The following NUFIP2 variants were observed in gnomAD, a reference collection of about 807,000 sequenced individuals.
NUFIP2 encodes FMR1-interacting protein NUFIP2.
In NUFIP2, 6 loss-of-function variants were observed where a neutral mutation model predicts 56.9. The ratio of observed to expected loss-of-function variants is 0.11; its 90% CI spans 0.06 to 0.21. NUFIP2 has a LOEUF of 0.21. Among genes scored for constraint, NUFIP2 ranks in the 10% least tolerant of loss-of-function variants. The probability of loss-of-function intolerance (pLI) is 1.00; values close to 1 mark genes in which losing one functional copy is unlikely to be tolerated. For missense variants in NUFIP2, 828 were observed against 826.8 expected (o/e 1.00, Z -0.02); for synonymous variants, 321 against 298.2 (o/e 1.08, Z -0.79).
chr17:29,282,042 G>T lies in NUFIP2; in HGVS notation c.2002+3950C>A, dbSNP rs146628921. Among the ~76,000 whole-genome samples the T allele has an allele frequency of 3.5e-3, 525 of 151,822 alleles. 2 individuals are homozygous for T. Among genetic ancestry groups the T allele is most frequent in the Non-Finnish European group, 6.2e-3 (418 of 67,938 alleles). On this transcript the variant is annotated intron_variant, in intron 2 of 3. Coordinates refer to ENST00000225388, the MANE Select transcript of NUFIP2 (RefSeq NM_020772.3). ...CTCCCAAAGTGCTGGGATTACAGGC[G>T]TGAGCCACCGCACCCAGCACAAATC...
At chr17:29,267,381 A>T (rs982449476) in intron 3 of NUFIP2, 117 bp downstream of exon 3, 1 of 618,686 alleles carries the variant, frequency 1.6e-6, no homozygotes, top group Non-Finnish European at 2.8e-6. Context: ...GCAGTTATTA[A>T]ATAACTCAAA....
intron 3 of NUFIP2, 44 bp from the exon 4 acceptor site, chr17:29,264,635 C>A: frequency 8.1e-7 from 1 of 1,227,780 alleles, no homozygotes; most frequent in South Asian, 1.2e-5. Context: ...TCTAGAATCT[C>A]AAAATGCCCG....
chr17:29,275,262 G>A (rs2069100652), intron 2 of NUFIP2, among the ~76,000 whole-genome samples: 1 of 152,066 alleles, frequency 6.6e-6, no homozygotes, highest in African/African-American at 2.4e-5. Flanking sequence ...GACCTCAGGT[G>A]ATCCACCTGC....
chr17:29,282,241 C>A (rs186520264), intron 2 of NUFIP2, among the ~76,000 whole-genome samples: 3 of 151,990 alleles, frequency 2.0e-5, no homozygotes, highest in Non-Finnish European at 4.4e-5. Context: ...ACTTCCCAGC[C>A]GCCAAAACCT....
In NUFIP2 at chr17:29,287,432, T is replaced by G. The variant is rs767524793; in HGVS notation, c.562A>C (p.Asn188His). The G allele has an allele frequency of 1.2e-6, 2 of 1,613,970 alleles. No individual in the cohort carries two copies. Among genetic ancestry groups the G allele is most frequent in the African/African-American group, 2.7e-5 (2 of 74,938 alleles). Residue 188 changes from asparagine to histidine, a missense_variant, in exon 2 of 4, where the codon AAT becomes CAT. Transcript: ENST00000225388. ...VDKSDTIPIP[N>H]GVVTNNSGYI... ...CCAGAATTATTTGTTACCACACCAT[T>G]TGGAATTGGTATAGTATCAGACTTA...
rs977848603 is a variant in NUFIP2, at chr17:29,276,435, C to T, written c.2003-8905G>A. The stretch of plus-strand genomic sequence containing the variant: ...GCAACCTCCACCTCCCAGGTTCAAG[C>T]GATTCTCCTGCCTTAGTCTCCTGAG... On this transcript the variant is annotated intron_variant, in intron 2 of 3. Coordinates refer to ENST00000225388, the MANE Select transcript of NUFIP2 (RefSeq NM_020772.3). Among the ~76,000 whole-genome samples, 6 of 151,952 alleles carry T rather than the reference C, an allele frequency of 3.9e-5. No homozygotes were observed. In the East Asian group the frequency reaches 9.7e-4, roughly 24 times the overall value.
chr17:29,271,793 G>GGGCGC (rs2153011223), intron 2 of NUFIP2, among the ~76,000 whole-genome samples: 1 of 151,908 alleles, frequency 6.6e-6, no homozygotes, highest in Admixed American at 6.6e-5. Context: ...TGACATGGCC[G>GGGCGC]GGCGCGGTGG....
Position 29,261,738 on chromosome 17 carries a change from T to G in NUFIP2, c.*2801A>C, listed in dbSNP as rs980401196. 6.6e-6 allele frequency: 1 copy of G among 152,566 alleles called. No individual in the cohort carries two copies. Among genetic ancestry groups the G allele is most frequent in the Non-Finnish European group, 1.5e-5 (1 of 68,020 alleles). The allele number at this position is 152,566 out of a possible 1,614,324, so 9.5% of individuals were successfully genotyped here. ...TGTTACCAAACAGCACAAAGAGATT[T>G]GTCCCAAAGTCCTGCTTGTACCTAG... On this transcript the variant is annotated 3_prime_UTR_variant, in exon 4 of 4. Transcript: ENST00000225388.
chr17:29,269,275 C>T (rs1448771542), intron 2 of NUFIP2, among the ~76,000 whole-genome samples: 2 of 152,116 alleles, frequency 1.3e-5, no homozygotes, highest in Non-Finnish European at 2.9e-5. Flanking sequence ...TCCAATTTAA[C>T]AGCAATCAAT....
intron 2 of NUFIP2, among the ~76,000 whole-genome samples, chr17:29,278,901 T>C (rs2069124330): frequency 6.6e-6 from 1 of 152,210 alleles, no homozygotes; most frequent in African/African-American, 2.4e-5. Context: ...GTTCTCTCAC[T>C]GGGAGAAAGG....
chr17:29,266,668 G>C (rs1343046670), intron 3 of NUFIP2, among the ~76,000 whole-genome samples: 1 of 151,836 alleles, frequency 6.6e-6, no homozygotes, highest in Non-Finnish European at 1.5e-5. Context: ...CACAAATACA[G>C]AGAAAGACCA....
chr17:29,276,600 A>C (rs1441815617), intron 2 of NUFIP2, among the ~76,000 whole-genome samples: 1 of 152,208 alleles, frequency 6.6e-6, no homozygotes, highest in East Asian at 1.9e-4. Flanking sequence ...GGCCTCCCAA[A>C]GTGCTGGGAT....
Position 29,286,540 on chromosome 17 carries a change from G to A in NUFIP2, c.1454C>T (p.Thr485Ile). The A allele has an allele frequency of 1.2e-6, 2 of 1,614,182 alleles. No homozygotes were observed. Among genetic ancestry groups the A allele is most frequent in the Non-Finnish European group, 1.7e-6 (2 of 1,180,038 alleles). The change falls in exon 2 of 4, where the codon ACA becomes ATA. Residue 485 changes from threonine (T) to isoleucine (I), a missense_variant. By Grantham distance (89) the Thr-to-Ile change is moderately conservative. Coordinates refer to ENST00000225388, the MANE Select transcript of NUFIP2 (RefSeq NM_020772.3). ...CTGAGAGGGCAGATCCACTTGTGCT[G>A]TGCTCAACAGCATAGTTTGCATATT... Reference protein sequence around the residue: ...PSNMQTMLLSTAQVDLPSQTD... With the variant: ...PSNMQTMLLSIAQVDLPSQTD...
Position 29,270,724 on chromosome 17 carries a change from A to T in NUFIP2, c.2003-3194T>A, listed in dbSNP as rs531240862. On this transcript the variant is annotated intron_variant, in intron 2 of 3. Transcript: ENST00000225388. ...GCCAGGTATAGTGGCTCACGCCTGTAATCCCAGTACTTTGGGAGGCCAAAG... is the reference window on the plus strand; with the variant it reads ...GCCAGGTATAGTGGCTCACGCCTGTTATCCCAGTACTTTGGGAGGCCAAAG... Among the ~76,000 whole-genome samples the T allele has an allele frequency of 6.6e-5, 10 of 152,326 alleles. No homozygotes were observed. The South Asian group carries it at 2.1e-3, about 32-fold the overall frequency.
At chr17:29,272,727 G>C (rs778453648) in intron 2 of NUFIP2, among the ~76,000 whole-genome samples, 1 of 152,090 alleles carries the variant, frequency 6.6e-6, no homozygotes, top group African/African-American at 2.4e-5. Flanking sequence ...TATATTATTG[G>C]AAAAGGAGCA....
At chr17:29,282,109 T>C (rs1180343873) in intron 2 of NUFIP2, among the ~76,000 whole-genome samples, 1 of 151,874 alleles carries the variant, frequency 6.6e-6, no homozygotes, top group African/African-American at 2.4e-5. Flanking sequence ...ATACCCTCAA[T>C]TGTACTTAAC....
chr17:29,274,526 T>C (rs2069095733), intron 2 of NUFIP2, among the ~76,000 whole-genome samples: 1 of 152,242 alleles, frequency 6.6e-6, no homozygotes, highest in African/African-American at 2.4e-5. Flanking sequence ...CCACTGTATA[T>C]GTACCATCTA....
chr17:29,264,503 T>G lies in NUFIP2; in HGVS notation c.*36A>C. ...TGTCCCCCATGAACGATGGCTCTAA[T>G]GCTGCAGAAAGGTTACGAATAGGCA... On this transcript the variant is annotated 3_prime_UTR_variant, in exon 4 of 4. Transcript: ENST00000225388. The G allele has an allele frequency of 6.7e-7, 1 of 1,498,456 alleles. No homozygotes were observed. 92.8% of individuals were successfully genotyped at this position (1,498,456 alleles called of 1,614,324 possible). A position where few individuals can be genotyped will look rare whatever the true frequency, so the allele number is the denominator to read the frequency against.
At chr17:29,270,322 G>T (rs1598430569) in intron 2 of NUFIP2, among the ~76,000 whole-genome samples, 1 of 88,288 alleles carries the variant, frequency 1.1e-5, no homozygotes, top group Non-Finnish European at 2.1e-5. Context: ...ATCTAACCTG[G>T]AGAAAAAAAA....
Sources: gnomAD v4.1 joint callset for allele counts (sites outside exome capture counted in the v4.1 genomes callset) on GRCh38, gnomAD v4.1.1 for gene constraint, MANE v1.5 for transcripts, NCBI Gene and HGNC (gene_info 2026-07-23, HGNC 2026-07-21) for gene names.